PTPN14: variants seen among roughly 807,000 people sequenced by gnomAD.
The protein encoded by PTPN14 is tyrosine-protein phosphatase non-receptor type 14.
In PTPN14, 53 loss-of-function variants were observed where a neutral mutation model predicts 126.8. That is an observed-to-expected ratio of 0.42 (90% CI 0.34 to 0.53). The LOEUF is 0.53. Among genes scored for constraint, PTPN14 ranks in the 20% least tolerant of loss-of-function variants. PTPN14 has a pLI of 0.08. For synonymous variants in PTPN14, 630 were observed against 599.3 expected, an observed-to-expected ratio of 1.05 and a Z score of -0.75; for missense variants, 1,257 against 1,552.9, an observed-to-expected ratio of 0.81 and a Z score of 3.20.
At chr1:214,418,355 C>A (rs1659471728) in intron 3 of PTPN14, among the ~76,000 whole-genome samples, 1 of 152,220 alleles carries the variant, frequency 6.6e-6, no homozygotes, top group Non-Finnish European at 1.5e-5. Context: ...CATGATGGAG[C>A]CTAAGCTATT....
At chr1:214,401,452 C>G (rs571916500) in intron 7 of PTPN14, among the ~76,000 whole-genome samples, 1 of 152,328 alleles carries the variant, frequency 6.6e-6, no homozygotes, top group East Asian at 1.9e-4. Context: ...ATGCTTGGTA[C>G]TCACTTAGAT....
At chr1:214,413,459 C>G (rs773438362) in intron 4 of PTPN14, among the ~76,000 whole-genome samples, 2 of 152,172 alleles carry the variant, frequency 1.3e-5, no homozygotes, top group African/African-American at 2.4e-5. Context: ...GCTGCCTCTT[C>G]AGACACTTAA....
In PTPN14 at chr1:214,393,746, C is replaced by T. The variant is rs774793928; in HGVS notation, c.878G>A (p.Arg293Gln). 19 of 1,602,516 alleles carry T rather than the reference C, an allele frequency of 1.2e-5. No individual in the cohort carries two copies. The highest frequency in any genetic ancestry group is 1.1e-4 in the South Asian group (10 of 90,768). ...AAACTTGTGTCGTGTGGCAAACAAC[C>T]GAGAAATATACTTGGCATTTTCGAT... ...DDIENAKYIS[R>Q]LFATRHKFYK... Residue 293 changes from arginine (R) to glutamine (Q), a missense_variant, in exon 10 of 19, where the codon CGG becomes CAG. Arg to Gln is a conservative substitution (Grantham distance 43, BLOSUM62 1). This residue lies in a region of PTPN14 where 1,021 missense variants were observed against 1,183.3 expected (regional missense o/e 0.86). Transcript: ENST00000366956.
At chr1:214,445,903 C>A (rs1660132787) in intron 3 of PTPN14, among the ~76,000 whole-genome samples, 1 of 152,110 alleles carries the variant, frequency 6.6e-6, no homozygotes, top group Non-Finnish European at 1.5e-5. Context: ...TGTTGCTATG[C>A]AAATCATTAA....
chr1:214,521,620 C>T (rs554892254), intron 1 of PTPN14, among the ~76,000 whole-genome samples: 1 of 152,182 alleles, frequency 6.6e-6, no homozygotes, highest in Admixed American at 6.5e-5. Context: ...GAGGCTGAGA[C>T]AGGAGAACCG....
intron 2 of PTPN14, among the ~76,000 whole-genome samples, chr1:214,459,314 G>A (rs1043990645): frequency 1.3e-5 from 2 of 151,098 alleles, no homozygotes; most frequent in African/African-American, 4.9e-5. Flanking sequence ...CACCTTGCCC[G>A]GGTAATTTCT....
intron 1 of PTPN14, among the ~76,000 whole-genome samples, chr1:214,494,274 G>T (rs535497856): frequency 1.3e-5 from 2 of 152,172 alleles, no homozygotes; most frequent in South Asian, 4.1e-4. Flanking sequence ...TAGCCAGGAT[G>T]GTATCTCTCG....
intron 1 of PTPN14, among the ~76,000 whole-genome samples, chr1:214,513,360 C>G (rs920875584): frequency 1.3e-5 from 2 of 151,996 alleles, no homozygotes; most frequent in Admixed American, 1.3e-4. Context: ...TTGTTTGGCT[C>G]AGTGTTCTTT....
chr1:214,533,004 G>A (rs1655593811), intron 1 of PTPN14: 3 of 757,390 alleles, frequency 4.0e-6, no homozygotes, highest in Non-Finnish European at 7.2e-6. Context: ...AGCGGACTGA[G>A]GAGAGCACCA....
intron 1 of PTPN14, among the ~76,000 whole-genome samples, chr1:214,513,771 TA>T (rs1655034798): frequency 6.6e-6 from 1 of 152,160 alleles, no homozygotes; most frequent in South Asian, 2.1e-4. Flanking sequence ...ATGGGGGCAA[TA>T]ATAATGGTAT....
chr1:214,443,320 A>T (rs1660075001), intron 3 of PTPN14, among the ~76,000 whole-genome samples: 1 of 152,158 alleles, frequency 6.6e-6, no homozygotes, highest in South Asian at 2.1e-4. Flanking sequence ...CTTTCCTAAA[A>T]GAAATCAAAT....
chr1:214,396,050 A>C (rs972159297), intron 8 of PTPN14, among the ~76,000 whole-genome samples: 44 of 152,062 alleles, frequency 2.9e-4, no homozygotes, highest in African/African-American at 1.0e-3. Context: ...CGGTGCAGGG[A>C]TTCTGCCTTC....
chr1:214,510,367 C>T (rs963563552), intron 1 of PTPN14, among the ~76,000 whole-genome samples: 6 of 152,096 alleles, frequency 3.9e-5, no homozygotes, highest in Admixed American at 6.5e-5. Flanking sequence ...AAGCACGTGC[C>T]GTTGGAAAAA....
intron 1 of PTPN14, among the ~76,000 whole-genome samples, chr1:214,540,714 C>T (rs939405987): frequency 3.3e-5 from 5 of 151,812 alleles, no homozygotes; most frequent in Non-Finnish European, 7.4e-5. Flanking sequence ...AAAGAAAGGA[C>T]GAGGAGCGTG....
intron 1 of PTPN14, among the ~76,000 whole-genome samples, chr1:214,521,573 G>A (rs1242628603): frequency 1.3e-5 from 2 of 152,094 alleles, no homozygotes; most frequent in Non-Finnish European, 1.5e-5. Flanking sequence ...AAATTAGGTG[G>A]GCGTGGTGGC....
chr1:214,519,200 T>TG (rs1179123191), intron 1 of PTPN14, among the ~76,000 whole-genome samples: 1 of 152,062 alleles, frequency 6.6e-6, no homozygotes, highest in East Asian at 1.9e-4. Context: ...ACCTGGGAGA[T>TG]GGAGGTTGCA....
chr1:214,480,316 T>C (rs1051837769), intron 1 of PTPN14, among the ~76,000 whole-genome samples: 19 of 152,370 alleles, frequency 1.2e-4, no homozygotes, highest in Admixed American at 2.6e-4. Flanking sequence ...TGAAACAATA[T>C]GTTTTCTTAA....
intron 1 of PTPN14, among the ~76,000 whole-genome samples, chr1:214,521,315 GA>G (rs1290643692): frequency 2.0e-5 from 3 of 152,170 alleles, no homozygotes; most frequent in African/African-American, 7.2e-5. Flanking sequence ...CTCTAGCTAA[GA>G]TATAGAAAAG....
At chr1:214,467,525 A>G (rs1408092031) in intron 1 of PTPN14, among the ~76,000 whole-genome samples, 1 of 151,928 alleles carries the variant, frequency 6.6e-6, no homozygotes. Context: ...AATAAAAAGT[A>G]AACTTTAAAC....
Sources: allele counts gnomAD v4.1 joint callset (sites outside exome capture counted in the v4.1 genomes callset), GRCh38; gene constraint gnomAD v4.1.1; regional missense constraint gnomAD v4.1.1; transcripts MANE v1.5; gene names NCBI Gene and HGNC (gene_info 2026-07-23, HGNC 2026-07-21).